FER: variants seen among roughly 807,000 people sequenced by gnomAD.
The protein encoded by FER is FER tyrosine kinase.
Under a neutral mutation model 111.0 loss-of-function variants are expected in FER, and 63 were observed. That is an observed-to-expected ratio of 0.57 (90% CI 0.46 to 0.70). FER has a LOEUF of 0.70. Ranked by LOEUF, FER falls within the 30% of genes least tolerant of loss-of-function variation. The probability of loss-of-function intolerance (pLI) is 0.00; values close to 1 mark genes in which losing one functional copy is unlikely to be tolerated. For synonymous variants in FER, 327 were observed against 313.9 expected (o/e 1.04, Z -0.44); for missense variants, 914 against 954.0 (o/e 0.96, Z 0.55).
chr5:109,195,335 T>A lies in FER; in HGVS notation c.*7760T>A, dbSNP rs1331954558. On this transcript the variant is annotated 3_prime_UTR_variant, in exon 20 of 20. Transcript: ENST00000281092. The stretch of plus-strand genomic sequence containing the variant: ...GCTTCAGTAACAATCAGAAGACCAG[T>A]CCAACAGAAAATAACTTGTCATAAT... The A allele has an allele frequency of 2.0e-5, 3 of 152,154 alleles. No individual in the cohort carries two copies. Among genetic ancestry groups the A allele is most frequent in the African/African-American group, 7.2e-5 (3 of 41,424 alleles). 9.4% of individuals were successfully genotyped at this position (152,154 alleles called of 1,614,324 possible). A position where few individuals can be genotyped will look rare whatever the true frequency, so the allele number is the denominator to read the frequency against.
rs1318171413 is a variant in FER at position 109,190,454 on chromosome 5, C to T, written c.*2879C>T. On this transcript the variant is annotated 3_prime_UTR_variant, in exon 20 of 20. Transcript: ENST00000281092. ...AGGTAAACACAAGCAGTCTGTGTCT[C>T]ACTGGTCACTAAGGGGCCTTTATGA... 1 of 152,088 alleles carries T rather than the reference C, an allele frequency of 6.6e-6. No homozygotes were observed. Among genetic ancestry groups the T allele is most frequent in the Non-Finnish European group, 1.5e-5 (1 of 68,020 alleles). 9.4% of individuals were successfully genotyped at this position (152,088 alleles called of 1,614,324 possible).
At chr5:108,895,929 A>T (rs910753006) in intron 9 of FER, among the ~76,000 whole-genome samples, 6 of 151,644 alleles carry the variant, frequency 4.0e-5, no homozygotes, top group African/African-American at 9.7e-5. Context: ...ATTCTTTTAA[A>T]TTTTTTTTAT....
chr5:108,771,331 C>T (rs1355172695), intron 2 of FER, among the ~76,000 whole-genome samples: 1 of 152,070 alleles, frequency 6.6e-6, no homozygotes, highest in Non-Finnish European at 1.5e-5. Flanking sequence ...TTATTTTTAT[C>T]CTTAAACAGT....
At chr5:109,106,168 G>A (rs1748896177) in intron 17 of FER, among the ~76,000 whole-genome samples, 1 of 152,184 alleles carries the variant, frequency 6.6e-6, no homozygotes, top group Non-Finnish European at 1.5e-5. Context: ...TATTTGATGT[G>A]ATGACTAAGC....
intron 8 of FER, among the ~76,000 whole-genome samples, chr5:108,876,740 G>T (rs908991331): frequency 7.2e-5 from 11 of 152,284 alleles, no homozygotes; most frequent in African/African-American, 2.4e-4. Flanking sequence ...CTGTACAAAT[G>T]TGAAAGACTT....
At chr5:108,761,040 C>T (rs1407400713) in intron 1 of FER, among the ~76,000 whole-genome samples, 2 of 151,956 alleles carry the variant, frequency 1.3e-5, no homozygotes, top group African/African-American at 4.8e-5. Flanking sequence ...AAGCAATTCT[C>T]CTGCCTCAGC....
At chr5:108,988,779 T>A (rs1211231930) in intron 13 of FER, among the ~76,000 whole-genome samples, 2 of 152,168 alleles carry the variant, frequency 1.3e-5, no homozygotes, top group Non-Finnish European at 2.9e-5. Flanking sequence ...TTTGGTGTTA[T>A]TTGTTTCAGT....
intron 10 of FER, among the ~76,000 whole-genome samples, chr5:108,929,523 C>A (rs1754263911): frequency 6.6e-6 from 1 of 151,986 alleles, no homozygotes; most frequent in East Asian, 1.9e-4. Context: ...GCAATGTTGG[C>A]TTTTCCTTTG....
At chr5:108,778,346 A>G (rs1196900024) in intron 2 of FER, among the ~76,000 whole-genome samples, 1 of 152,208 alleles carries the variant, frequency 6.6e-6, no homozygotes, top group Non-Finnish European at 1.5e-5. Context: ...ATTTAATCAT[A>G]GTTAATATGA....
chr5:108,844,433 A>G (rs1178087140), intron 5 of FER, among the ~76,000 whole-genome samples: 1 of 152,202 alleles, frequency 6.6e-6, no homozygotes, highest in Non-Finnish European at 1.5e-5. Flanking sequence ...TATTGTGTTT[A>G]ATTGCCATGT....
intron 13 of FER, among the ~76,000 whole-genome samples, chr5:108,987,918 T>C (rs532992982): frequency 6.6e-6 from 1 of 152,150 alleles, no homozygotes; most frequent in African/African-American, 2.4e-5. Flanking sequence ...CAATATTATG[T>C]TGGCTGTGGG....
At chr5:109,003,805 C>A (rs1765142212) in intron 13 of FER, among the ~76,000 whole-genome samples, 1 of 151,916 alleles carries the variant, frequency 6.6e-6, no homozygotes, top group South Asian at 2.1e-4. Context: ...CATAGAGAGA[C>A]CCCATCTCTA....
chr5:109,136,435 T>C (rs1274038138), intron 17 of FER, among the ~76,000 whole-genome samples: 1 of 152,234 alleles, frequency 6.6e-6, no homozygotes, highest in African/African-American at 2.4e-5. Context: ...TTTTATGTTT[T>C]AGAAATGTCT....
chr5:109,173,474 G>A (rs1044539714), intron 17 of FER, among the ~76,000 whole-genome samples: 11 of 152,180 alleles, frequency 7.2e-5, no homozygotes, highest in African/African-American at 2.7e-4. Context: ...AATACAGCAG[G>A]GCTTAGCCCT....
intron 16 of FER, among the ~76,000 whole-genome samples, chr5:109,088,333 A>G (rs1197860337): frequency 2.0e-5 from 3 of 152,108 alleles, no homozygotes; most frequent in Non-Finnish European, 4.4e-5. Flanking sequence ...TTGGTTCCAC[A>G]GTAGTTTTCT....
At chr5:108,989,190 C>A (rs895664215) in intron 13 of FER, among the ~76,000 whole-genome samples, 1 of 151,938 alleles carries the variant, frequency 6.6e-6, no homozygotes, top group Non-Finnish European at 1.5e-5. Flanking sequence ...TGTGTAAAAT[C>A]TGGATGCTGA....
intron 11 of FER, among the ~76,000 whole-genome samples, chr5:108,950,354 C>T (rs1301099018): frequency 2.0e-5 from 3 of 151,754 alleles, no homozygotes; most frequent in Admixed American, 2.0e-4. Flanking sequence ...TATTGTAGTA[C>T]AAAAAATTGT....
At position 108,838,575 on chromosome 5, in the gene FER, A is replaced by G. The variant is rs553349925; in HGVS notation, c.481+2768A>G. Among the ~76,000 whole-genome samples the G allele has an allele frequency of 2.6e-4, 40 of 152,330 alleles. No individual in the cohort carries two copies. In the South Asian group the frequency reaches 7.9e-3, roughly 30 times the overall value. Reference sequence around the variant, plus strand: ...TAGTAGTAAACCAGCAGGAAGGCTGAGTTAATGCTGAAACTACAAACCCCT... The same window carrying G: ...TAGTAGTAAACCAGCAGGAAGGCTGGGTTAATGCTGAAACTACAAACCCCT... On this transcript the variant is annotated intron_variant, in intron 5 of 19. Coordinates refer to ENST00000281092, the MANE Select transcript of FER (RefSeq NM_005246.4).
At position 109,180,896 on chromosome 5, in the gene FER, A is replaced by G; in HGVS notation, c.2198A>G (p.Asn733Ser). Residue 733 changes from asparagine (N) to serine (S), a missense_variant, in exon 18 of 20, where the codon AAT becomes AGT. Asn to Ser is a conservative substitution (Grantham distance 46). Transcript: ENST00000281092. The part of the protein sequence containing the change: ...PIKWTAPEAL[N>S]YGRYSSESDV... ...AAATGGACAGCACCGGAAGCTCTTA[A>G]TTATGGTAAGAATAGACCACATTTT... is the stretch of plus-strand genomic sequence containing the variant. 1 of 1,606,228 alleles carries G rather than the reference A, an allele frequency of 6.2e-7. No homozygotes were observed. The highest frequency in any genetic ancestry group is 8.5e-7 in the Non-Finnish European group (1 of 1,177,560).
Sources: allele counts gnomAD v4.1 joint callset (sites outside exome capture counted in the v4.1 genomes callset), GRCh38; gene constraint gnomAD v4.1.1; transcripts MANE v1.5; gene names NCBI Gene and HGNC (gene_info 2026-07-23, HGNC 2026-07-21).